The following MED12L variants were observed in gnomAD, a reference collection of about 807,000 sequenced individuals.
The protein encoded by MED12L is mediator of RNA polymerase II transcription subunit 12-like protein.
A neutral mutation model predicts 281.3 loss-of-function variants in MED12L; 60 were observed. That is an observed-to-expected ratio of 0.21 (90% confidence interval 0.17 to 0.26). The LOEUF is 0.26. MED12L is among the 10% of genes least tolerant of loss of function. MED12L has a pLI of 1.00. For missense variants in MED12L, 2,146 were observed against 2,680.9 expected (o/e 0.80, Z 4.41); for synonymous variants, 974 against 987.2 (o/e 0.99, Z 0.25).
intron 16 of MED12L, among the ~76,000 whole-genome samples, chr3:151,290,778 C>T (rs1291708591): frequency 1.3e-5 from 2 of 152,030 alleles, no homozygotes; most frequent in African/African-American, 2.4e-5. Flanking sequence ...TAAAGGAAAA[C>T]TTTAGCAAAG....
intron 11 of MED12L, among the ~76,000 whole-genome samples, chr3:151,172,598 A>C (rs1232519482): frequency 6.6e-6 from 1 of 152,214 alleles, no homozygotes; most frequent in Non-Finnish European, 1.5e-5. Flanking sequence ...GCATTGATCC[A>C]CTCAGGATGG....
chr3:151,420,969 C>T lies in MED12L; in HGVS notation c.6408+4547C>T, dbSNP rs141084614. On this transcript the variant is annotated intron_variant, in intron 43 of 44. Transcript: ENST00000687756. ...GAAGAAGTCCAATATAATCAACCTG[C>T]CACCATGTAGCTGGCTGATCACCCT... is the stretch of plus-strand genomic sequence containing the variant. Among the ~76,000 whole-genome samples, 1,064 of 152,318 alleles carry T rather than the reference C, an allele frequency of 7.0e-3. 18 individuals are homozygous for T. The highest frequency in any genetic ancestry group is 0.024 in the African/African-American group (994 of 41,556).
rs749362270 is a variant in MED12L at position 151,163,906 on chromosome 3, G to C, written c.1121G>C (p.Cys374Ser). 6.2e-7 allele frequency: 1 copy of C among 1,612,562 alleles called. No homozygotes were observed. The change falls in exon 9 of 45, where the codon TGT (cysteine) becomes TCT (serine). Residue 374 changes from cysteine (C) to serine (S), a missense_variant. By Grantham distance (112) the Cys-to-Ser change is moderately radical. Transcript: ENST00000687756. ...LSCMLQTVTL[C>S]CPSALVWNYS... Reference sequence around the variant, plus strand: ...TTTCATTTCCAGACTGTCACTCTCTGTTGCCCAAGTGCCTTGGTGTGGAAT... The same window carrying C: ...TTTCATTTCCAGACTGTCACTCTCTCTTGCCCAAGTGCCTTGGTGTGGAAT...
chr3:151,260,968 T>C (rs951771837), intron 16 of MED12L, among the ~76,000 whole-genome samples: 4 of 151,478 alleles, frequency 2.6e-5, no homozygotes, highest in Non-Finnish European at 4.4e-5. Context: ...TCCTTGATGG[T>C]GTGGATGTGT....
intron 16 of MED12L, among the ~76,000 whole-genome samples, chr3:151,218,727 T>A (rs1728722549): frequency 6.6e-6 from 1 of 150,962 alleles, no homozygotes; most frequent in African/African-American, 2.4e-5. Flanking sequence ...ATTAGCCAGG[T>A]GTGGTGGCAT....
At chr3:151,313,549 A>G (rs1354828227) in intron 16 of MED12L, among the ~76,000 whole-genome samples, 1 of 151,834 alleles carries the variant, frequency 6.6e-6, no homozygotes, top group Non-Finnish European at 1.5e-5. Flanking sequence ...AGTTAAAAAA[A>G]AAAATGCATG....
chr3:151,381,134 A>T (rs964555771), intron 32 of MED12L, among the ~76,000 whole-genome samples: 2 of 152,226 alleles, frequency 1.3e-5, no homozygotes, highest in African/African-American at 4.8e-5. Flanking sequence ...AGCAAAGTGG[A>T]TAGATTGGTC....
chr3:151,157,217 TAGG>T (rs1427474409), intron 6 of MED12L, among the ~76,000 whole-genome samples: 1 of 152,112 alleles, frequency 6.6e-6, no homozygotes, highest in Non-Finnish European at 1.5e-5. Context: ...AATTACGTAT[TAGG>T]AGTATTGAAA....
intron 11 of MED12L, among the ~76,000 whole-genome samples, chr3:151,175,670 A>G (rs1721956248): frequency 1.3e-5 from 2 of 152,204 alleles, no homozygotes; most frequent in Non-Finnish European, 2.9e-5. Context: ...TAGCTTCTAC[A>G]ACTATTAGGT....
chr3:151,243,886 G>C (rs1270737304), intron 16 of MED12L, among the ~76,000 whole-genome samples: 6 of 149,014 alleles, frequency 4.0e-5, no homozygotes, highest in Non-Finnish European at 9.0e-5. Flanking sequence ...CACGTGCAGA[G>C]ACACACATAG....
At chr3:151,166,097 G>A in intron 11 of MED12L, 115 bp downstream of exon 11, 2 of 792,370 alleles carry the variant, frequency 2.5e-6, no homozygotes, top group Non-Finnish European at 3.9e-6. Flanking sequence ...ATCTTATGAA[G>A]ACATACACAC....
At chr3:151,136,957 A>T (rs1716223878) in intron 5 of MED12L, among the ~76,000 whole-genome samples, 1 of 151,850 alleles carries the variant, frequency 6.6e-6, no homozygotes. Flanking sequence ...AGGTCAGGAG[A>T]TCAAGACCAT....
intron 5 of MED12L, 36 bp downstream of exon 5, chr3:151,128,020 T>C (rs764086118): frequency 6.3e-7 from 1 of 1,575,386 alleles, no homozygotes. Context: ...TACATTTCAT[T>C]ATTGATTTTG....
At chr3:151,302,407 A>T (rs993253712) in intron 16 of MED12L, among the ~76,000 whole-genome samples, 2 of 152,204 alleles carry the variant, frequency 1.3e-5, no homozygotes, top group African/African-American at 4.8e-5. Flanking sequence ...ATCACAATAG[A>T]CTTTTGGGAA....
rs1553808456 is a variant in MED12L at position 151,141,178 on chromosome 3, G to GTTTGTTTGT, written c.556+13197_556+13198insGTTTGTTTT. Among the ~76,000 whole-genome samples, 60 of 102,226 alleles carry GTTTGTTTGT rather than the reference G, an allele frequency of 5.9e-4. 1 individual carries two copies. The highest frequency in any genetic ancestry group is 2.4e-3 in the African/African-American group (56 of 23,402). 67.1% of individuals were successfully genotyped at this position (102,226 alleles called of 152,430 possible). A position where few individuals can be genotyped will look rare whatever the true frequency, so the allele number is the denominator to read the frequency against. ...CACCGTGCCTGGCGTTTTTTTTTTT[G>GTTTGTTTGT]TTTTTTTTGTTTTTTTTTTTTTGTT... On this transcript the variant is annotated intron_variant, in intron 5 of 44. Coordinates refer to ENST00000687756, the MANE Select transcript of MED12L (RefSeq NM_001393769.1).
chr3:151,101,649 G>T (rs113615511), intron 2 of MED12L, among the ~76,000 whole-genome samples: 99 of 147,490 alleles, frequency 6.7e-4, no homozygotes, highest in Middle Eastern at 3.5e-3. Flanking sequence ...GAGGAGGGGG[G>T]CAGTTTTTCT....
intron 16 of MED12L, among the ~76,000 whole-genome samples, chr3:151,307,531 C>T (rs970411748): frequency 1.7e-5 from 2 of 120,540 alleles, no homozygotes; most frequent in East Asian, 2.5e-4. Context: ...AGGTAACTTG[C>T]TCTGTGTGTG....
chr3:151,205,914 C>T (rs1726281889), intron 16 of MED12L, among the ~76,000 whole-genome samples: 1 of 152,032 alleles, frequency 6.6e-6, no homozygotes, highest in Non-Finnish European at 1.5e-5. Flanking sequence ...ATGGAGTTTT[C>T]AGCCTCTGGA....
chr3:151,291,453 C>G (rs566348495), intron 16 of MED12L, among the ~76,000 whole-genome samples: 1 of 152,226 alleles, frequency 6.6e-6, no homozygotes, highest in South Asian at 2.1e-4. Context: ...ATCAGTTTCT[C>G]TGAATGTCAG....
Sources: allele counts gnomAD v4.1 joint callset (sites outside exome capture counted in the v4.1 genomes callset), GRCh38; gene constraint gnomAD v4.1.1; transcripts MANE v1.5; gene names NCBI Gene and HGNC (gene_info 2026-07-23, HGNC 2026-07-21).